The following SSBP2 variants were observed in gnomAD, a reference collection of about 807,000 sequenced individuals.
SSBP2 encodes the protein single-stranded DNA-binding protein 2.
SSBP2 carries 17 observed loss-of-function variants against 61.8 expected under a neutral mutation model. The observed-to-expected ratio is 0.28, with a 90% CI of 0.19 to 0.41. The LOEUF is 0.41. SSBP2 is among the 10% of genes least tolerant of loss of function. SSBP2 has a pLI of 1.00. For synonymous variants in SSBP2, 139 were observed against 141.3 expected, an observed-to-expected ratio of 0.98 and a Z score of 0.12; for missense variants, 310 against 458.7, an observed-to-expected ratio of 0.68 and a Z score of 2.96.
At chr5:81,744,788 C>T (rs1757246708) in intron 1 of SSBP2, among the ~76,000 whole-genome samples, 1 of 151,878 alleles carries the variant, frequency 6.6e-6, no homozygotes. Context: ...GTTACAATGG[C>T]TCATTATTGT....
intron 16 of SSBP2, among the ~76,000 whole-genome samples, chr5:81,421,202 G>C (rs1227604454): frequency 6.6e-6 from 1 of 151,928 alleles, no homozygotes; most frequent in Non-Finnish European, 1.5e-5. Context: ...AATCTTTTTT[G>C]TTTGTTTGAA....
At chr5:81,747,344 T>G (rs1483914486) in intron 1 of SSBP2, among the ~76,000 whole-genome samples, 1 of 152,152 alleles carries the variant, frequency 6.6e-6, no homozygotes, top group Non-Finnish European at 1.5e-5. Flanking sequence ...TTTCTAGCAT[T>G]GTATCCCTCG....
At chr5:81,421,630 A>G (rs1310970185) in intron 16 of SSBP2, among the ~76,000 whole-genome samples, 1 of 152,216 alleles carries the variant, frequency 6.6e-6, no homozygotes, top group Non-Finnish European at 1.5e-5. Context: ...GGTTTCAAAA[A>G]TGATTTAGAG....
chr5:81,436,425 A>C (rs560990033), intron 15 of SSBP2, among the ~76,000 whole-genome samples: 11 of 152,268 alleles, frequency 7.2e-5, no homozygotes, highest in Non-Finnish European at 7.4e-5. Flanking sequence ...GTTTCTAAAT[A>C]TAGACATCCA....
chr5:81,659,524 C>G (rs185996259), intron 1 of SSBP2, among the ~76,000 whole-genome samples: 1 of 152,178 alleles, frequency 6.6e-6, no homozygotes, highest in African/African-American at 2.4e-5. Context: ...AGGACACAAA[C>G]AAATGGAAAA....
intron 1 of SSBP2, 80 bp from the exon 2 acceptor site, chr5:81,650,419 G>T: frequency 1.0e-6 from 1 of 1,002,570 alleles, no homozygotes; most frequent in Admixed American, 3.1e-5. Flanking sequence ...TTCCATTGCT[G>T]AAATATCTTA....
chr5:81,541,073 G>T (rs1233098146), intron 4 of SSBP2, among the ~76,000 whole-genome samples: 1 of 152,010 alleles, frequency 6.6e-6, no homozygotes, highest in Non-Finnish European at 1.5e-5. Context: ...ACAGTTTCAG[G>T]ATGTCAATTC....
chr5:81,432,323 CT>C (rs1380924326), intron 15 of SSBP2, among the ~76,000 whole-genome samples: 1 of 152,122 alleles, frequency 6.6e-6, no homozygotes, highest in African/African-American at 2.4e-5. Context: ...AAAATACTTT[CT>C]TGGTAATTTA....
intron 1 of SSBP2, among the ~76,000 whole-genome samples, chr5:81,651,981 CAT>C (rs1198969509): frequency 6.6e-6 from 1 of 152,006 alleles, no homozygotes; most frequent in Non-Finnish European, 1.5e-5. Flanking sequence ...GAAAAAAAAA[CAT>C]AGACTCAGGT....
At position 81,413,318 on chromosome 5, in the gene SSBP2, T is replaced by A. The variant is rs1761204252; in HGVS notation, c.*7186A>T. The A allele has an allele frequency of 6.6e-6, 1 of 152,156 alleles. No homozygotes were observed. Among genetic ancestry groups the A allele is most frequent in the African/African-American group, 2.4e-5 (1 of 41,446 alleles). The allele number at this position is 152,156 out of a possible 1,614,324, so 9.4% of individuals were successfully genotyped here. ...GCACACACACATACACGAACACACATACACAGATGCTAAATTTACAAAATG... is the reference window on the plus strand; with the variant it reads ...GCACACACACATACACGAACACACAAACACAGATGCTAAATTTACAAAATG... On this transcript the variant is annotated 3_prime_UTR_variant, in exon 17 of 17. Transcript: ENST00000320672.
intron 15 of SSBP2, among the ~76,000 whole-genome samples, chr5:81,428,926 C>T (rs949612606): frequency 2.0e-5 from 3 of 152,028 alleles, no homozygotes; most frequent in Non-Finnish European, 4.4e-5. Context: ...ATTTTCTTAG[C>T]TTCAGAATCA....
chr5:81,544,486 C>A (rs866616293), intron 4 of SSBP2, among the ~76,000 whole-genome samples: 1 of 152,112 alleles, frequency 6.6e-6, no homozygotes, highest in South Asian at 2.1e-4. Flanking sequence ...TCTTGAACTT[C>A]GCCTAAACAT....
intron 10 of SSBP2, among the ~76,000 whole-genome samples, chr5:81,453,678 G>A (rs1017987151): frequency 2.6e-5 from 4 of 151,898 alleles, no homozygotes; most frequent in East Asian, 3.9e-4. Context: ...GGATGGTCTC[G>A]ATCTCCTGAC....
chr5:81,565,995 G>A (rs1029020603), intron 4 of SSBP2, among the ~76,000 whole-genome samples: 2 of 152,074 alleles, frequency 1.3e-5, no homozygotes, highest in Non-Finnish European at 2.9e-5. Flanking sequence ...TTAGTAGAAA[G>A]AACTCAAAGG....
At position 81,560,225 on chromosome 5, in the gene SSBP2, T is replaced by TA. The variant is rs1772939403; in HGVS notation, c.283-46509_283-46508insT. The stretch of plus-strand genomic sequence containing the variant: ...TCATTTCCAATTTTACAAAAAAGAT[T>TA]GTGTTCAAATTTCAAGAGTATAGGT... On this transcript the variant is annotated intron_variant, in intron 4 of 16. Coordinates refer to ENST00000320672, the MANE Select transcript of SSBP2 (RefSeq NM_012446.5). 4.6e-5 allele frequency among the ~76,000 whole-genome samples: 7 copies of TA among 152,274 alleles called. No individual in the cohort carries two copies. The South Asian group carries it at 1.4e-3, about 32-fold the overall frequency.
At position 81,490,126 on chromosome 5, in the gene SSBP2, A is replaced by C. The variant is rs146582650; in HGVS notation, c.373-817T>G. ...TTATGAAGCGTATATTTTTAACAAA[A>C]GAAAAAAATGATCTTATATTAAAAG... On this transcript the variant is annotated intron_variant, in intron 5 of 16. Transcript: ENST00000320672. 5.3e-3 allele frequency among the ~76,000 whole-genome samples: 814 copies of C among 152,222 alleles called. 5 individuals are homozygous for C. Among genetic ancestry groups the C allele is most frequent in the African/African-American group, 0.018 (761 of 41,570 alleles).
In SSBP2 at chr5:81,513,818, C is replaced by T. The variant is rs1046404268; in HGVS notation, c.283-101G>A. The T allele has an allele frequency of 3.5e-5, 24 of 694,170 alleles. No individual in the cohort carries two copies. In the Admixed American group the frequency reaches 4.0e-4, roughly 11 times the overall value. The allele number at this position is 694,170 out of a possible 1,614,324, so 43.0% of individuals were successfully genotyped here. A position where few individuals can be genotyped will look rare whatever the true frequency, so the allele number is the denominator to read the frequency against. The stretch of plus-strand genomic sequence containing the variant: ...TGCAGGACGGGATGCTCTTTCATGC[C>T]TGGGAACAAATACTGGTAATTTTCC... On this transcript the variant is annotated intron_variant, in intron 4 of 16. Transcript: ENST00000320672.
At chr5:81,453,602 G>A (rs1035203380) in intron 10 of SSBP2, among the ~76,000 whole-genome samples, 4 of 151,732 alleles carry the variant, frequency 2.6e-5, no homozygotes, top group African/African-American at 9.7e-5. Flanking sequence ...GACTACAGGC[G>A]CCCGCCACCT....
At chr5:81,427,686 G>T (rs1287234927) in intron 16 of SSBP2, among the ~76,000 whole-genome samples, 1 of 152,174 alleles carries the variant, frequency 6.6e-6, no homozygotes, top group Non-Finnish European at 1.5e-5. Flanking sequence ...AAATTTTAAG[G>T]ATGCTATGAA....
Sources: allele counts gnomAD v4.1 joint callset (sites outside exome capture counted in the v4.1 genomes callset), GRCh38; gene constraint gnomAD v4.1.1; transcripts MANE v1.5; gene names NCBI Gene and HGNC (gene_info 2026-07-23, HGNC 2026-07-21).